MAGI1: variants seen among roughly 807,000 people sequenced by gnomAD.
The protein encoded by MAGI1 is membrane-associated guanylate kinase, WW and PDZ domain-containing protein 1.
In MAGI1, 58 loss-of-function variants were observed where a neutral mutation model predicts 139.9. The ratio of observed to expected loss-of-function variants is 0.41; its 90% CI spans 0.34 to 0.52. The LOEUF is 0.52. Among genes scored for constraint, MAGI1 ranks in the 20% least tolerant of loss-of-function variants. The pLI is 0.12. For synonymous variants in MAGI1, 812 were observed against 737.9 expected (o/e 1.10, Z -1.63); for missense variants, 1,874 against 1,901.6 (o/e 0.99, Z 0.27).
At chr3:66,024,751 A>T (rs1051116706) in intron 1 of MAGI1, among the ~76,000 whole-genome samples, 1 of 152,200 alleles carries the variant, frequency 6.6e-6, no homozygotes, top group Admixed American at 6.5e-5. Flanking sequence ...GGTTGCAGTG[A>T]GCCAAGATCG....
At chr3:65,532,717 T>A (rs1307042893) in intron 2 of MAGI1, 1 of 152,076 alleles carries the variant, frequency 6.6e-6, no homozygotes, top group Non-Finnish European at 1.5e-5. Context: ...GTCCAGGTGA[T>A]CATCAAGCTG....
chr3:65,648,662 G>A (rs1350500052), intron 1 of MAGI1, among the ~76,000 whole-genome samples: 2 of 152,124 alleles, frequency 1.3e-5, no homozygotes, highest in Non-Finnish European at 2.9e-5. Flanking sequence ...TAGGTTTAAC[G>A]TAATTCCTAT....
chr3:65,496,207 A>G (rs1463868621), intron 2 of MAGI1, among the ~76,000 whole-genome samples: 1 of 91,392 alleles, frequency 1.1e-5, no homozygotes, highest in African/African-American at 4.0e-5. Context: ...ACACCCAGCT[A>G]ATTTTTTTTT....
intron 1 of MAGI1, among the ~76,000 whole-genome samples, chr3:65,653,878 A>C (rs2107330485): frequency 6.6e-6 from 1 of 152,292 alleles, no homozygotes; most frequent in East Asian, 1.9e-4. Flanking sequence ...TATAAAACAC[A>C]ACTCCAACTA....
intron 2 of MAGI1, among the ~76,000 whole-genome samples, chr3:65,509,852 G>T (rs936291084): frequency 3.9e-5 from 6 of 152,170 alleles, no homozygotes; most frequent in East Asian, 3.9e-4. Flanking sequence ...CTGGGGGCAG[G>T]GCACAGACAA....
intron 1 of MAGI1, among the ~76,000 whole-genome samples, chr3:65,808,677 T>C (rs2108179639): frequency 6.6e-6 from 1 of 152,260 alleles, no homozygotes; most frequent in Middle Eastern, 3.4e-3. Context: ...CACTGCATGA[T>C]GAGACCTTCA....
intron 3 of MAGI1, 137 bp downstream of exon 3, chr3:65,493,375 T>C: frequency 1.1e-6 from 1 of 924,468 alleles, no homozygotes; most frequent in Admixed American, 2.5e-5. Flanking sequence ...CTATTATTCG[T>C]CATATTAAGG....
At chr3:65,797,197 T>C (rs761601520) in intron 1 of MAGI1, among the ~76,000 whole-genome samples, 7 of 152,328 alleles carry the variant, frequency 4.6e-5, no homozygotes, top group Non-Finnish European at 1.0e-4. Flanking sequence ...GCAGACAATG[T>C]AAGCCATTAT....
chr3:65,643,869 G>A (rs973421439), intron 1 of MAGI1, among the ~76,000 whole-genome samples: 85 of 152,136 alleles, frequency 5.6e-4, no homozygotes, highest in African/African-American at 2.0e-3. Context: ...CTGTATTGGG[G>A]TCACCTAATC....
chr3:65,775,456 A>G (rs2038304593), intron 1 of MAGI1, among the ~76,000 whole-genome samples: 1 of 112,052 alleles, frequency 8.9e-6, no homozygotes, highest in African/African-American at 2.8e-5. Flanking sequence ...CTGGAAAAAA[A>G]AAAAAAATTT....
intron 1 of MAGI1, among the ~76,000 whole-genome samples, chr3:65,727,032 G>A (rs1476155807): frequency 6.6e-6 from 1 of 151,226 alleles, no homozygotes; most frequent in East Asian, 1.9e-4. Context: ...TATTCAACCT[G>A]TAATTCCACA....
chr3:65,360,547 T>C (rs1486448514), intron 22 of MAGI1: 1 of 984,768 alleles, frequency 1.0e-6, no homozygotes, highest in East Asian at 1.1e-4. Context: ...TAGTCACATG[T>C]TTCCCTCATG....
At chr3:65,605,165 T>G (rs2082676860) in intron 2 of MAGI1, among the ~76,000 whole-genome samples, 1 of 152,206 alleles carries the variant, frequency 6.6e-6, no homozygotes, top group African/African-American at 2.4e-5. Flanking sequence ...TGACGAGACC[T>G]CACTATAAAT....
At chr3:65,787,462 AATAG>A (rs2039475386) in intron 1 of MAGI1, among the ~76,000 whole-genome samples, 1 of 151,490 alleles carries the variant, frequency 6.6e-6, no homozygotes, top group Non-Finnish European at 1.5e-5. Flanking sequence ...AGAAACTTTA[AATAG>A]AATGCCAAAA....
chr3:65,497,988 T>C (rs1487365516), intron 2 of MAGI1, among the ~76,000 whole-genome samples: 2 of 152,076 alleles, frequency 1.3e-5, no homozygotes, highest in Non-Finnish European at 2.9e-5. Flanking sequence ...CCAGCTATCC[T>C]CTGAGCAGCC....
chr3:65,442,277 G>A (rs1049271049), intron 8 of MAGI1, among the ~76,000 whole-genome samples: 2 of 152,124 alleles, frequency 1.3e-5, no homozygotes, highest in African/African-American at 2.4e-5. Flanking sequence ...CACAAAGTCT[G>A]CATCCTAGGC....
chr3:65,800,106 A>G (rs535196389), intron 1 of MAGI1, among the ~76,000 whole-genome samples: 1 of 152,222 alleles, frequency 6.6e-6, no homozygotes, highest in Non-Finnish European at 1.5e-5. Flanking sequence ...TTCCTCATCC[A>G]TAAATGGAGA....
At chr3:65,470,819 C>T (rs1950515286) in intron 4 of MAGI1, among the ~76,000 whole-genome samples, 1 of 152,192 alleles carries the variant, frequency 6.6e-6, no homozygotes, top group South Asian at 2.1e-4. Flanking sequence ...GCCATCAAAA[C>T]ACAGATGGAT....
intron 1 of MAGI1, among the ~76,000 whole-genome samples, chr3:65,892,151 G>A (rs1575881869): frequency 6.6e-6 from 1 of 151,644 alleles, no homozygotes; most frequent in East Asian, 1.9e-4. Flanking sequence ...CACATAACAC[G>A]AAAACTTCTG....
Sources: gnomAD v4.1 joint callset for allele counts (sites outside exome capture counted in the v4.1 genomes callset) on GRCh38, gnomAD v4.1.1 for gene constraint, MANE v1.5 for transcripts, NCBI Gene and HGNC (gene_info 2026-07-23, HGNC 2026-07-21) for gene names.